The following FARP2 variants were observed in gnomAD, a reference collection of about 807,000 sequenced individuals.
The protein encoded by FARP2 is FERM, ARH/RhoGEF and pleckstrin domain protein 2, also known as FERM, ARHGEF and pleckstrin domain-containing protein 2.
In FARP2, 111 loss-of-function variants were observed where a neutral mutation model predicts 130.5. The ratio of observed to expected loss-of-function variants is 0.85; its 90% confidence interval spans 0.73 to 1.00. The LOEUF is 1.00. Among genes scored for constraint, FARP2 ranks in the 50% least tolerant of loss-of-function variants. The pLI is 0.00. For synonymous variants in FARP2, 504 were observed against 516.9 expected (o/e 0.98, Z 0.34); for missense variants, 1,385 against 1,346.3 (o/e 1.03, Z -0.45).
At chr2:241,356,807 C>A (rs905872280) in intron 1 of FARP2, among the ~76,000 whole-genome samples, 2 of 152,230 alleles carry the variant, frequency 1.3e-5, no homozygotes, top group Non-Finnish European at 2.9e-5. Flanking sequence ...CCAGAGTGGG[C>A]CATAGGGACC....
intron 18 of FARP2, among the ~76,000 whole-genome samples, chr2:241,471,738 G>A (rs985774228): frequency 3.3e-5 from 5 of 151,918 alleles, no homozygotes; most frequent in Non-Finnish European, 4.4e-5. Flanking sequence ...CTCGTGATCC[G>A]CCCGCCTCAG....
chr2:241,403,703 CTTAG>C (rs2062255295), intron 2 of FARP2, 121 bp from the exon 3 acceptor site: 1 of 484,162 alleles, frequency 2.1e-6, no homozygotes, highest in Non-Finnish European at 3.7e-6. Context: ...GTTTATAAAT[CTTAG>C]TTATACACTG....
At chr2:241,457,876 G>A (rs879789286) in intron 14 of FARP2, among the ~76,000 whole-genome samples, 1 of 152,190 alleles carries the variant, frequency 6.6e-6, no homozygotes, top group Admixed American at 6.5e-5. Flanking sequence ...GGGGCGAGGG[G>A]GCGGTTCTCT....
chr2:241,387,223 T>C (rs998169406), intron 2 of FARP2: 2 of 151,940 alleles, frequency 1.3e-5, no homozygotes, highest in African/African-American at 2.4e-5. Flanking sequence ...TACCCGATAC[T>C]AGAGGCTCCA....
At chr2:241,474,801 T>TAATA (rs56306612) in intron 18 of FARP2, among the ~76,000 whole-genome samples, 42,346 of 140,004 alleles carry the variant, frequency 0.3, 6,677 homozygotes, top group African/African-American at 0.36. Context: ...CTAATAATAA[T>TAATA]AATAAATAAA....
At position 241,463,925 on chromosome 2, in the gene FARP2, A is replaced by G. The variant is rs1351028463; in HGVS notation, c.1838A>G (p.Lys613Arg). ...GAAGGGCCCTCCAAAGCCCACACAA[A>G]AGGCAGTCATCAACGAATCGGGGAC... is the stretch of plus-strand genomic sequence containing the variant. ...LWEGPSKAHT[K>R]GSHQRIGDIL... is the part of the protein sequence containing the mutation. Residue 613 changes from lysine (K) to arginine (R), a missense_variant, in exon 17 of 27, where the codon AAA (lysine) becomes AGA (arginine). Physicochemically the swap from Lys to Arg is conservative, Grantham distance 26. Transcript: ENST00000264042. The G allele has an allele frequency of 6.2e-7, 1 of 1,613,852 alleles. No individual in the cohort carries two copies. The highest frequency in any genetic ancestry group is 1.3e-5 in the African/African-American group (1 of 74,902).
intron 13 of FARP2, among the ~76,000 whole-genome samples, chr2:241,452,561 A>T (rs560885256): frequency 3.9e-5 from 6 of 152,284 alleles, no homozygotes; most frequent in African/African-American, 1.4e-4. Flanking sequence ...CTAGCTACAC[A>T]GAAGGCTAAG....
At chr2:241,432,078 C>CCAAAGTGCTGGGATTACAGGCTCA (rs1297841086) in intron 9 of FARP2, 1 of 157,372 alleles carries the variant, frequency 6.4e-6, no homozygotes, top group African/African-American at 2.4e-5. Context: ...CCTTGGCCTC[C>CCAAAGTGCTGGGATTACAGGCTCA]CAAAGTGCTG....
intron 1 of FARP2, among the ~76,000 whole-genome samples, chr2:241,359,591 C>T (rs1176536762): frequency 1.3e-5 from 2 of 152,208 alleles, no homozygotes; most frequent in African/African-American, 2.4e-5. Context: ...TCCACCTGGT[C>T]TCCTGTTCCC....
chr2:241,379,828 C>A (rs1183865272), intron 2 of FARP2, among the ~76,000 whole-genome samples: 1 of 152,192 alleles, frequency 6.6e-6, no homozygotes, highest in Non-Finnish European at 1.5e-5. Flanking sequence ...TTCTGGGATA[C>A]CAAGCTATTA....
Position 241,491,123 on chromosome 2 carries a change from G to A in FARP2, c.2567G>A (p.Ser856Asn), listed in dbSNP as rs1168883268. Reference protein sequence around the residue: ...DLNSAIQAAKSGGDTAPALPG... With the variant: ...DLNSAIQAAKNGGDTAPALPG... The stretch of plus-strand genomic sequence containing the variant: ...AACTCCGCGATCCAAGCAGCCAAGA[G>A]TGGCGGTGACACGGCCCCTGCACTG... The change falls in exon 23 of 27, where the codon AGT (serine) becomes AAT (asparagine). Residue 856 changes from serine to asparagine, a missense_variant. By Grantham distance (46) the Ser-to-Asn change is conservative. Coordinates refer to ENST00000264042, the MANE Select transcript of FARP2 (RefSeq NM_014808.4). 1 of 1,613,382 alleles carries A rather than the reference G, an allele frequency of 6.2e-7. No homozygotes were observed. The highest frequency in any genetic ancestry group is 1.1e-5 in the South Asian group (1 of 91,084).
chr2:241,416,646 G>A (rs2062680649), intron 7 of FARP2, among the ~76,000 whole-genome samples: 1 of 152,226 alleles, frequency 6.6e-6, no homozygotes, highest in Non-Finnish European at 1.5e-5. Flanking sequence ...GGAGAGAAAA[G>A]TCGGGCACAG....
intron 13 of FARP2, among the ~76,000 whole-genome samples, chr2:241,453,413 GAGA>G (rs2063728281): frequency 2.0e-5 from 3 of 151,970 alleles, no homozygotes; most frequent in Admixed American, 2.0e-4. Flanking sequence ...ACAAGGTCAG[GAGA>G]TCGAGACCAT....
At chr2:241,420,438 G>A (rs118112028) in intron 8 of FARP2, among the ~76,000 whole-genome samples, 1 of 152,304 alleles carries the variant, frequency 6.6e-6, no homozygotes, top group East Asian at 1.9e-4. Flanking sequence ...CTTTGGAACA[G>A]TGCTGAGAGG....
intron 18 of FARP2, among the ~76,000 whole-genome samples, chr2:241,473,359 AG>A (rs1042827484): frequency 3.5e-4 from 52 of 150,154 alleles, no homozygotes; most frequent in African/African-American, 1.2e-3. Flanking sequence ...GTTCTGTGGC[AG>A]ATGCTATTCT....
At chr2:241,466,534 CA>C in intron 17 of FARP2, 1 of 985,452 alleles carries the variant, frequency 1.0e-6, no homozygotes, top group Non-Finnish European at 1.2e-6. Flanking sequence ...CCATCATGGG[CA>C]TCGGCAGGGC....
At chr2:241,418,829 T>TG (rs2062740988) in intron 8 of FARP2, among the ~76,000 whole-genome samples, 1 of 152,200 alleles carries the variant, frequency 6.6e-6, no homozygotes, top group Non-Finnish European at 1.5e-5. Context: ...AGAAAGCTCT[T>TG]GCGGGGGCTC....
chr2:241,415,146 G>A (rs947065634), intron 7 of FARP2, among the ~76,000 whole-genome samples: 2 of 152,188 alleles, frequency 1.3e-5, no homozygotes, highest in African/African-American at 4.8e-5. Flanking sequence ...GTAAGTCGGT[G>A]CTTCTCATCC....
intron 2 of FARP2, among the ~76,000 whole-genome samples, chr2:241,388,079 T>C (rs1266949709): frequency 6.6e-6 from 1 of 152,140 alleles, no homozygotes; most frequent in African/African-American, 2.4e-5. Flanking sequence ...GATCTTACAA[T>C]GTATATAGAA....
Sources: allele counts gnomAD v4.1 joint callset (sites outside exome capture counted in the v4.1 genomes callset), GRCh38; gene constraint gnomAD v4.1.1; transcripts MANE v1.5; gene names NCBI Gene and HGNC (gene_info 2026-07-23, HGNC 2026-07-21).